LRRK1: variants seen among roughly 807,000 people sequenced by gnomAD.
LRRK1 encodes the protein leucine rich repeat kinase 1.
In LRRK1, 113 loss-of-function variants were observed where a neutral mutation model predicts 209.1. That is an observed-to-expected ratio of 0.54 (90% CI 0.46 to 0.63). The LOEUF (loss-of-function observed/expected upper bound fraction) is 0.63. Ranked by LOEUF, LRRK1 falls within the 30% of genes least tolerant of loss-of-function variation. The pLI is 0.00. For missense variants in LRRK1, 2,284 were observed against 2,632.2 expected, an observed-to-expected ratio of 0.87 and a Z score of 2.89; for synonymous variants, 1,144 against 1,099.7, an observed-to-expected ratio of 1.04 and a Z score of -0.80.
In LRRK1 at chr15:101,061,279, AG is replaced by A; in HGVS notation, c.4789del (p.Ala1597ProfsTer18). The A allele has an allele frequency of 6.2e-7, 1 of 1,612,324 alleles. No homozygotes were observed. Among genetic ancestry groups the A allele is most frequent in the Non-Finnish European group, 8.5e-7 (1 of 1,178,458 alleles). The part of the protein sequence containing the change: ...QLQVQRSLWT[A>X]TEDQKIYIYT... ...TCCAGGTCCAGAGATCCCTGTGGAC[AG>A]CCACCGAGGTAAGCACTGCCCGCAG... On this transcript the variant is annotated frameshift_variant, in exon 30 of 34. Transcript: ENST00000388948. LOFTEE classifies it high-confidence loss of function.
intron 33 of LRRK1, among the ~76,000 whole-genome samples, chr15:101,068,260 G>C (rs1378372848): frequency 6.6e-6 from 1 of 152,186 alleles, no homozygotes; most frequent in Non-Finnish European, 1.5e-5. Flanking sequence ...CAGAATGAGA[G>C]AAGAATCTTA....
intron 5 of LRRK1, 136 bp downstream of exon 5, chr15:100,988,949 T>C: frequency 2.7e-6 from 2 of 750,172 alleles, no homozygotes; most frequent in Non-Finnish European, 4.3e-6. Flanking sequence ...TCCTGTTCTA[T>C]GTTTCTTTTT....
At chr15:101,054,903 A>G in intron 26 of LRRK1, 43 bp from the exon 27 acceptor site, 1 of 1,506,696 alleles carries the variant, frequency 6.6e-7, no homozygotes, top group South Asian at 1.3e-5. Context: ...ATTCTATCAA[A>G]ACTGAAATTT....
chr15:100,957,329 A>T (rs1407542338), intron 2 of LRRK1, among the ~76,000 whole-genome samples: 1 of 152,172 alleles, frequency 6.6e-6, no homozygotes, highest in Admixed American at 6.5e-5. Flanking sequence ...AGTATTATTC[A>T]AATTCACTGT....
rs775892119 is a variant in LRRK1, at chr15:101,021,884, G to A, written c.1779G>A (p.Gln593=). Residue 593 remains glutamine (Q), a synonymous_variant, in exon 14 of 34, where the codon CAG becomes CAA. Transcript: ENST00000388948. ...GGGAGCTCCCTCCTGAGCTGGGGCA[G>A]CTGGGCAACCTCTGGCAGCTGGACA... is the stretch of plus-strand genomic sequence containing the variant. ...GLRELPPELG[Q]LGNLWQLDTE... 1.9e-6 allele frequency: 3 copies of A among 1,613,974 alleles called. No homozygotes were observed. The African/African-American group carries it at 4.0e-5, about 22-fold the overall frequency.
intron 31 of LRRK1, chr15:101,064,877 TG>T (rs3840841): frequency 1.1e-4 from 18 of 161,280 alleles, no homozygotes; most frequent in Admixed American, 2.9e-4. Context: ...CTCTGCCTGG[TG>T]GGGGGGGTGG....
Position 100,987,352 on chromosome 15 carries a change from G to T in LRRK1, c.434-1282G>T, listed in dbSNP as rs554667939. On this transcript the variant is annotated intron_variant, in intron 4 of 33. Coordinates refer to ENST00000388948, the MANE Select transcript of LRRK1 (RefSeq NM_024652.6). ...GCATTTGGGAAGTGTCCCTGCAGAA[G>T]ATGAGGTCATTTTTCCATGGCAACT... 1.6e-4 allele frequency among the ~76,000 whole-genome samples: 24 copies of T among 152,290 alleles called. No homozygotes were observed. The East Asian group carries it at 4.4e-3, about 28-fold the overall frequency.
At position 100,924,606 on chromosome 15, in the gene LRRK1, T is replaced by C. The variant is rs1388097614; in HGVS notation, c.-27T>C. 1 of 1,610,782 alleles carries C rather than the reference T, an allele frequency of 6.2e-7. No individual in the cohort carries two copies. The highest frequency in any genetic ancestry group is 8.5e-7 in the Non-Finnish European group (1 of 1,177,364). ...GGCAGTGACAACAGCGGGACCTGCCTTTGAAGATCGGCTGCTGCAAGGGTT... is the reference window on the plus strand; with the variant it reads ...GGCAGTGACAACAGCGGGACCTGCCCTTGAAGATCGGCTGCTGCAAGGGTT... On this transcript the variant is annotated 5_prime_UTR_variant, in exon 2 of 34. Transcript: ENST00000388948.
intron 2 of LRRK1, among the ~76,000 whole-genome samples, chr15:100,949,896 A>C (rs1049180544): frequency 5.3e-5 from 8 of 152,098 alleles, no homozygotes; most frequent in Non-Finnish European, 7.4e-5. Flanking sequence ...CAAAAAAAAA[A>C]CCCATAACTA....
chr15:101,068,716 C>T lies in LRRK1; in HGVS notation c.5916C>T (p.Cys1972=). The T allele has an allele frequency of 1.2e-6, 2 of 1,612,834 alleles. No individual in the cohort carries two copies. Among genetic ancestry groups the T allele is most frequent in the Non-Finnish European group, 1.7e-6 (2 of 1,179,288 alleles). ...AAVVAKDTVV[C]TFENENTEWC... is the part of the protein sequence containing the mutation. ...TGGTGGCAAAGGACACTGTTGTGTG[C>T]ACCTTTGAAAATGAAAACACAGAGT... The change falls in exon 34 of 34, where the codon TGC becomes TGT. Residue 1972 remains cysteine (C), a synonymous_variant. Coordinates refer to ENST00000388948, the MANE Select transcript of LRRK1 (RefSeq NM_024652.6).
intron 6 of LRRK1, among the ~76,000 whole-genome samples, chr15:101,002,359 T>A (rs927344949): frequency 6.6e-6 from 1 of 152,242 alleles, no homozygotes; most frequent in Non-Finnish European, 1.5e-5. Context: ...TCACCACCAC[T>A]GCCGTGGAAA....
At chr15:101,012,642 GCCCAGGCCACCC>G (rs1265609031) in intron 10 of LRRK1, among the ~76,000 whole-genome samples, 2 of 28,856 alleles carry the variant, frequency 6.9e-5, no homozygotes. Flanking sequence ...CAGGCAGAGT[GCCCAGGCCACCC>G]TGCACAGGCT....
Position 100,919,796 on chromosome 15 carries a change from AGAGACACGAGTCGG to A in LRRK1, c.-123+356_-123+369del, listed in dbSNP as rs1298125757. On this transcript the variant is annotated intron_variant, in intron 1 of 33. Transcript: ENST00000388948. The surrounding 1 kb of genome is among the most constrained non-coding windows in gnomAD (Gnocchi z 5.8). ...TCGGGAAAGCTGGGAAGCGGAGGCA[AGAGACACGAGTCGG>A]GAGACACGAGCCGGGGAGCCCATAG... Among the ~76,000 whole-genome samples, 1 of 152,022 alleles carries A rather than the reference AGAGACACGAGTCGG, an allele frequency of 6.6e-6. No individual in the cohort carries two copies. The highest frequency in any genetic ancestry group is 1.5e-5 in the Non-Finnish European group (1 of 67,964).
rs139272221 is a variant in LRRK1 at position 101,050,945 on chromosome 15, G to A, written c.3440-766G>A. Among the ~76,000 whole-genome samples, 387 of 152,326 alleles carry A rather than the reference G, an allele frequency of 2.5e-3. 1 individual carries two copies. Among genetic ancestry groups the A allele is most frequent in the Middle Eastern group, 6.8e-3 (2 of 294 alleles). ...CCAGCCAGTGTTCCCCACACAGCAG[G>A]TGCTGGGCAGTTTGACAGGTGGGTC... On this transcript the variant is annotated intron_variant, in intron 23 of 33. Coordinates refer to ENST00000388948, the MANE Select transcript of LRRK1 (RefSeq NM_024652.6).
intron 6 of LRRK1, among the ~76,000 whole-genome samples, chr15:100,998,017 A>C (rs933841488): frequency 2.0e-5 from 3 of 152,020 alleles, no homozygotes; most frequent in African/African-American, 7.2e-5. Context: ...CCCCGTCTCT[A>C]CTAAAAATAC....
intron 20 of LRRK1, among the ~76,000 whole-genome samples, chr15:101,037,852 A>G (rs909098738): frequency 1.3e-5 from 2 of 152,232 alleles, no homozygotes; most frequent in African/African-American, 2.4e-5. Flanking sequence ...CATTTGATCC[A>G]GCAATCTCAC....
chr15:101,028,312 G>A (rs955536570), intron 19 of LRRK1, among the ~76,000 whole-genome samples: 1 of 152,180 alleles, frequency 6.6e-6, no homozygotes, highest in African/African-American at 2.4e-5. Flanking sequence ...TGATTTGTTG[G>A]CATTGAACTC....
In LRRK1 at chr15:101,029,869, AAAC is replaced by A. The variant is rs201169848; in HGVS notation, c.2963+649_2963+651del. 9.0e-3 allele frequency among the ~76,000 whole-genome samples: 1,377 copies of A among 152,290 alleles called. 25 individuals carry two copies. Among genetic ancestry groups the A allele is most frequent in the African/African-American group, 0.032 (1,317 of 41,536 alleles). On this transcript the variant is annotated intron_variant, in intron 20 of 33. Coordinates refer to ENST00000388948, the MANE Select transcript of LRRK1 (RefSeq NM_024652.6). ...GGCAACAGAGCGAGACTCCTTCTCA[AAAC>A]AACAACAACAAAAAAAGAATGAGCG... is the stretch of plus-strand genomic sequence containing the variant.
chr15:101,006,493 A>T (rs8025382), intron 6 of LRRK1, among the ~76,000 whole-genome samples: 82,607 of 152,066 alleles, frequency 0.54, 24,200 homozygotes, highest in African/African-American at 0.78. Context: ...GCAATTGTCA[A>T]GGGATCCCAG....
Sources: allele counts gnomAD v4.1 joint callset (sites outside exome capture counted in the v4.1 genomes callset), GRCh38; gene constraint gnomAD v4.1.1; non-coding constraint Gnocchi (gnomAD v3.1); transcripts MANE v1.5; gene names NCBI Gene and HGNC (gene_info 2026-07-23, HGNC 2026-07-21).